The following RTP2 variants were observed in gnomAD, a reference collection of about 807,000 sequenced individuals.
RTP2 encodes receptor transporter protein 2.
Under a neutral mutation model 17.9 loss-of-function variants are expected in RTP2, and 12 were observed. The observed-to-expected ratio is 0.67, with a 90% CI of 0.43 to 1.09. The LOEUF is 1.09. Ranked by LOEUF, RTP2 falls within the 50% of genes least tolerant of loss-of-function variation. The probability of loss-of-function intolerance (pLI) is 0.00; values close to 1 mark genes in which losing one functional copy is unlikely to be tolerated. For synonymous variants in RTP2, 126 were observed against 117.7 expected, an observed-to-expected ratio of 1.07 and a Z score of -0.46; for missense variants, 327 against 295.7, an observed-to-expected ratio of 1.11 and a Z score of -0.78.
At chr3:187,707,094 G>C (rs763795281), upstream of RTP2, among the ~76,000 whole-genome samples, 26 of 151,942 alleles carry the variant, frequency 1.7e-4, no homozygotes, top group Non-Finnish European at 3.5e-4. Flanking sequence ...ACCACAGCTA[G>C]GTCTATGGGC....
At chr3:187,702,277 C>A in exon 1 of RTP2, 1 of 747,500 alleles carries the variant, frequency 1.3e-6, no homozygotes. Flanking sequence ...TCCTCTGTTA[C>A]CCTGGAACCT....
At chr3:187,699,060 C>A (rs778244487) in intron 1 of RTP2, 49 bp from the exon 2 acceptor site, 4 of 1,531,528 alleles carry the variant, frequency 2.6e-6, no homozygotes, top group Non-Finnish European at 3.5e-6. Flanking sequence ...CCCAGAGAAG[C>A]CTGCCCTGAG....
chr3:187,705,201 A>C (rs558254261), upstream of RTP2, among the ~76,000 whole-genome samples: 2 of 152,182 alleles, frequency 1.3e-5, no homozygotes, highest in South Asian at 4.1e-4. Flanking sequence ...TGAGTTAGGA[A>C]GGAAGAATAT....
chr3:187,707,361 T>A (rs192475891), upstream of RTP2, among the ~76,000 whole-genome samples: 181 of 152,320 alleles, frequency 1.2e-3, no homozygotes, highest in African/African-American at 4.1e-3. Flanking sequence ...AATGTGATCG[T>A]CTTTGGAAAA....
chr3:187,701,696 G>C (rs1717851175), intron 1 of RTP2, among the ~76,000 whole-genome samples: 1 of 152,156 alleles, frequency 6.6e-6, no homozygotes, highest in Admixed American at 6.5e-5. Flanking sequence ...AGATTGCAGG[G>C]ACATAGATGA....
At chr3:187,705,694 G>A (rs535671789), upstream of RTP2, among the ~76,000 whole-genome samples, 1 of 152,240 alleles carries the variant, frequency 6.6e-6, no homozygotes, top group Non-Finnish European at 1.5e-5. Context: ...GACTGATGGG[G>A]ATTCCTTGAT....
chr3:187,698,442 C>T (rs1264995398), exon 2 of RTP2: 6 of 1,471,090 alleles, frequency 4.1e-6, no homozygotes, highest in Non-Finnish European at 5.5e-6. Flanking sequence ...CAAGTCCAGA[C>T]TGTGTCCTCC....
At chr3:187,704,081 G>T (rs894227352), upstream of RTP2, among the ~76,000 whole-genome samples, 18 of 152,012 alleles carry the variant, frequency 1.2e-4, no homozygotes, top group African/African-American at 3.6e-4. Flanking sequence ...GTACAGCTGT[G>T]GCCACATCAC....
At chr3:187,714,079 G>T in the RTP2 span, among the ~76,000 whole-genome samples, 2 of 152,176 alleles carry the variant, frequency 1.3e-5, no homozygotes, top group African/African-American at 4.8e-5. Flanking sequence ...TCTCCTCTCC[G>T]AACCTCAGTT....
chr3:187,708,559 G>C, the RTP2 span, among the ~76,000 whole-genome samples: 1 of 152,210 alleles, frequency 6.6e-6, no homozygotes, highest in Non-Finnish European at 1.5e-5. Flanking sequence ...TATGATGCAA[G>C]AAATAGCAAA....
exon 2 of RTP2, chr3:187,698,611 G>C: frequency 6.2e-7 from 1 of 1,614,072 alleles, no homozygotes; most frequent in Non-Finnish European, 8.5e-7. Context: ...GATCCCGCCT[G>C]GGCCCTCGGC....
At chr3:187,702,831 T>C (rs937500111), upstream of RTP2, among the ~76,000 whole-genome samples, 1 of 152,256 alleles carries the variant, frequency 6.6e-6, no homozygotes, top group Non-Finnish European at 1.5e-5. Context: ...TAACATCTCT[T>C]TGCCCAGGGC....
intron 1 of RTP2, among the ~76,000 whole-genome samples, chr3:187,699,756 CACACACACACACACACACACACACACAT>C (rs1261884630): frequency 5.2e-4 from 30 of 57,232 alleles, no homozygotes; most frequent in East Asian, 4.1e-3. Context: ...CACACACACA[CACACACACACACACACACACACACACAT>C]ATATTTTCTC....
chr3:187,710,483 C>T, the RTP2 span, among the ~76,000 whole-genome samples: 1 of 148,124 alleles, frequency 6.8e-6, no homozygotes, highest in Non-Finnish European at 1.5e-5. Context: ...TCTGAAGAAC[C>T]TGGGAACCAT....
At chr3:187,699,123 A>T (rs1300449388) in intron 1 of RTP2, 112 bp from the exon 2 acceptor site, 7 of 1,266,760 alleles carry the variant, frequency 5.5e-6, no homozygotes, top group Non-Finnish European at 7.5e-6. Flanking sequence ...AGATGGAGGC[A>T]GTGTTTACTG....
chr3:187,709,132 A>G, the RTP2 span, among the ~76,000 whole-genome samples: 1 of 152,076 alleles, frequency 6.6e-6, no homozygotes, highest in Non-Finnish European at 1.5e-5. Flanking sequence ...TTTCCAAGTT[A>G]CTATTGTTAA....
intron 1 of RTP2, among the ~76,000 whole-genome samples, chr3:187,699,357 T>C (rs1717784284): frequency 6.6e-6 from 1 of 152,132 alleles, no homozygotes; most frequent in Non-Finnish European, 1.5e-5. Context: ...TGGGCTTCAT[T>C]TCTCATTTGT....
chr3:187,715,231 C>T, the RTP2 span, among the ~76,000 whole-genome samples: 15 of 152,258 alleles, frequency 9.9e-5, no homozygotes, highest in African/African-American at 3.4e-4. Context: ...TAATCCAACC[C>T]TCCCTGCAAG....
At chr3:187,703,689 G>A (rs1286482362), upstream of RTP2, among the ~76,000 whole-genome samples, 1 of 152,204 alleles carries the variant, frequency 6.6e-6, no homozygotes, top group African/African-American at 2.4e-5. Context: ...AGGGATCCAT[G>A]AATGGCCAGG....
Sources: allele counts gnomAD v4.1 joint callset (sites outside exome capture counted in the v4.1 genomes callset), GRCh38; gene constraint gnomAD v4.1.1; transcripts MANE v1.5; gene names NCBI Gene and HGNC (gene_info 2026-07-23, HGNC 2026-07-21).